Variants in PCSK5 observed in about 807,000 individuals in gnomAD.
PCSK5 encodes proprotein convertase subtilisin/kexin type 5.
A neutral mutation model predicts 233.2 loss-of-function variants in PCSK5; 129 were observed. The ratio of observed to expected loss-of-function variants is 0.55; its 90% confidence interval spans 0.48 to 0.64. The LOEUF (loss-of-function observed/expected upper bound fraction) is 0.64. Ranked by LOEUF, PCSK5 falls within the 30% of genes least tolerant of loss-of-function variation. The pLI is 0.00. For missense variants in PCSK5, 2,076 were observed against 2,430.1 expected, an observed-to-expected ratio of 0.85 and a Z score of 3.06; for synonymous variants, 825 against 879.2, an observed-to-expected ratio of 0.94 and a Z score of 1.09.
At chr9:76,237,640 G>C (rs925706718) in intron 22 of PCSK5, among the ~76,000 whole-genome samples, 1 of 151,932 alleles carries the variant, frequency 6.6e-6, no homozygotes, top group African/African-American at 2.4e-5. Flanking sequence ...GTTGGGCATG[G>C]TGGCACGCAC....
intron 12 of PCSK5, among the ~76,000 whole-genome samples, chr9:76,159,815 CCTT>C (rs1822770389): frequency 8.0e-6 from 1 of 124,764 alleles, no homozygotes; most frequent in Non-Finnish European, 1.7e-5. Flanking sequence ...CCTCTTCAGT[CCTT>C]TTTTTTTTTT....
At chr9:76,144,773 A>G (rs1823375733) in intron 10 of PCSK5, among the ~76,000 whole-genome samples, 1 of 152,204 alleles carries the variant, frequency 6.6e-6, no homozygotes, top group Non-Finnish European at 1.5e-5. Flanking sequence ...CAGTCTTGAT[A>G]CCCACAGAAC....
chr9:76,039,666 T>C (rs1829010147), intron 5 of PCSK5, among the ~76,000 whole-genome samples: 1 of 152,188 alleles, frequency 6.6e-6, no homozygotes, highest in Non-Finnish European at 1.5e-5. Context: ...TGAAAAGTTA[T>C]TGTTATGTTG....
intron 24 of PCSK5, among the ~76,000 whole-genome samples, chr9:76,275,425 T>A (rs1170678663): frequency 6.6e-6 from 1 of 152,034 alleles, no homozygotes; most frequent in Non-Finnish European, 1.5e-5. Context: ...TTTGGGGGTT[T>A]TTTGTTTGTT....
chr9:76,127,107 GAA>G (rs5898451), intron 9 of PCSK5, among the ~76,000 whole-genome samples: 2 of 151,568 alleles, frequency 1.3e-5, no homozygotes, highest in East Asian at 1.9e-4. Context: ...TACTCAACAG[GAA>G]AAAAATGGGA....
rs146937312 is a variant in PCSK5 at position 76,261,502 on chromosome 9, A to C, written c.3142+20818A>C. ...AATGTTCAAGCTGAGGGCCAAATCA[A>C]GAATGGAATCCCATTCACAATAACC... On this transcript the variant is annotated intron_variant, in intron 24 of 37. Coordinates refer to ENST00000674117, the MANE Select transcript of PCSK5 (RefSeq NM_001372043.1). 4.1e-3 allele frequency among the ~76,000 whole-genome samples: 631 copies of C among 152,294 alleles called. 18 individuals are homozygous for C. Among genetic ancestry groups the C allele is most frequent in the Admixed American group, 0.037 (564 of 15,286 alleles).
At chr9:76,198,902 G>T (rs1014156834) in intron 20 of PCSK5, among the ~76,000 whole-genome samples, 1 of 152,166 alleles carries the variant, frequency 6.6e-6, no homozygotes, top group Non-Finnish European at 1.5e-5. Context: ...CACGTGCTAA[G>T]GTTCCATGCC....
rs779636768 is a variant in PCSK5 at position 76,098,493 on chromosome 9, G to A, written c.1107+2391G>A. 6.6e-5 allele frequency among the ~76,000 whole-genome samples: 10 copies of A among 152,248 alleles called. No individual in the cohort carries two copies. The Middle Eastern group carries it at 0.01, about 155-fold the overall frequency. ...TTGTGTCTTCTAACTCATGGTCAAC[G>A]TCCACTAGCACGGAGTGACATCCAT... On this transcript the variant is annotated intron_variant, in intron 8 of 37. Transcript: ENST00000674117.
At chr9:76,085,859 T>G (rs1415639953) in intron 7 of PCSK5, among the ~76,000 whole-genome samples, 1 of 152,182 alleles carries the variant, frequency 6.6e-6, no homozygotes, top group Admixed American at 6.5e-5. Flanking sequence ...TAGAGCTAAC[T>G]TAGAGAAGAG....
At chr9:76,046,559 C>CTTTTTTTTTTTTTTTTTT (rs553542037) in intron 5 of PCSK5, among the ~76,000 whole-genome samples, 3 of 104,804 alleles carry the variant, frequency 2.9e-5, no homozygotes, top group Non-Finnish European at 3.9e-5. Context: ...CTTTCTTTTT[C>CTTTTTTTTTTTTTTTTTT]TTTTTTTTTT....
At chr9:76,238,910 G>A (rs2131326984) in intron 22 of PCSK5, 49 bp from the exon 23 acceptor site, 3 of 1,339,712 alleles carry the variant, frequency 2.2e-6, no homozygotes, top group East Asian at 4.8e-5. Flanking sequence ...TAGCTTCATG[G>A]CTAACTTTGT....
chr9:76,143,707 A>T (rs997600657), intron 10 of PCSK5, among the ~76,000 whole-genome samples: 3 of 150,866 alleles, frequency 2.0e-5, no homozygotes, highest in African/African-American at 7.3e-5. Flanking sequence ...TGGGATATAT[A>T]ATCATCTTTG....
intron 24 of PCSK5, among the ~76,000 whole-genome samples, chr9:76,249,535 T>C (rs1246273550): frequency 6.6e-6 from 1 of 152,224 alleles, no homozygotes; most frequent in Non-Finnish European, 1.5e-5. Flanking sequence ...ACTTAGAAGC[T>C]ACAATACCCC....
At chr9:76,218,787 C>A (rs1236966572) in intron 20 of PCSK5, among the ~76,000 whole-genome samples, 1 of 149,928 alleles carries the variant, frequency 6.7e-6, no homozygotes, top group Non-Finnish European at 1.5e-5. Context: ...CGGGATGACT[C>A]CAAAATGTGT....
chr9:76,220,301 C>T (rs1488073593), intron 20 of PCSK5, among the ~76,000 whole-genome samples: 5 of 151,832 alleles, frequency 3.3e-5, no homozygotes, highest in African/African-American at 7.3e-5. Context: ...CTGAGGCGGG[C>T]GGATCACCTG....
intron 2 of PCSK5, among the ~76,000 whole-genome samples, chr9:75,983,022 G>T (rs1826347203): frequency 6.6e-6 from 1 of 151,848 alleles, no homozygotes; most frequent in Non-Finnish European, 1.5e-5. Flanking sequence ...CATTTATGAA[G>T]TAATTTTTTT....
At chr9:75,977,777 A>C (rs147774695) in intron 2 of PCSK5, among the ~76,000 whole-genome samples, 4 of 151,426 alleles carry the variant, frequency 2.6e-5, no homozygotes, top group Non-Finnish European at 5.9e-5. Flanking sequence ...CGCACGGCTA[A>C]TTTTTTATAT....
intron 1 of PCSK5, among the ~76,000 whole-genome samples, chr9:75,931,268 T>A (rs999602352): frequency 2.5e-4 from 32 of 129,902 alleles, no homozygotes; most frequent in South Asian, 1.4e-3. Flanking sequence ...TTTTTTTTTT[T>A]AAATTAGGAA....
At chr9:76,133,643 G>T (rs1433391970) in intron 9 of PCSK5, among the ~76,000 whole-genome samples, 3 of 151,954 alleles carry the variant, frequency 2.0e-5, no homozygotes, top group Non-Finnish European at 4.4e-5. Context: ...TGCATAGAAG[G>T]TTAAACATTG....
Sources: gnomAD v4.1 joint callset for allele counts (sites outside exome capture counted in the v4.1 genomes callset) on GRCh38, gnomAD v4.1.1 for gene constraint, MANE v1.5 for transcripts, NCBI Gene and HGNC (gene_info 2026-07-23, HGNC 2026-07-21) for gene names.